The following RBPMS variants were observed in gnomAD, a reference collection of about 807,000 sequenced individuals.
RBPMS encodes RNA binding protein, mRNA processing factor, also known as RNA-binding protein with multiple splicing.
RBPMS carries 7 observed loss-of-function variants against 26.8 expected under a neutral mutation model. That is an observed-to-expected ratio of 0.26 (90% CI 0.15 to 0.49). The LOEUF is 0.49. RBPMS is among the 20% of genes least tolerant of loss of function. The pLI, the probability that RBPMS is intolerant of heterozygous loss-of-function variation, is 0.98. For synonymous variants in RBPMS, 96 were observed against 93.3 expected (o/e 1.03, Z -0.17); for missense variants, 186 against 250.0 (o/e 0.74, Z 1.73).
chr8:30,466,806 C>T (rs1816555482), intron 1 of RBPMS, among the ~76,000 whole-genome samples: 3 of 152,084 alleles, frequency 2.0e-5, no homozygotes. Flanking sequence ...GTTGGTCAGG[C>T]TGGTCTCCCA....
chr8:30,514,232 C>T (rs569910412), intron 5 of RBPMS, among the ~76,000 whole-genome samples: 1 of 152,234 alleles, frequency 6.6e-6, no homozygotes, highest in African/African-American at 2.4e-5. Flanking sequence ...AACCTCAGCT[C>T]TTCAGTGCAA....
chr8:30,486,352 AAAT>A (rs1818766757), intron 4 of RBPMS, among the ~76,000 whole-genome samples: 1 of 136,230 alleles, frequency 7.3e-6, no homozygotes, highest in African/African-American at 2.6e-5. Flanking sequence ...ATAAATAAAT[AAAT>A]AAATAACATA....
At chr8:30,477,635 G>GTGTGTGCACATGCACATGCA (rs1817840956) in intron 2 of RBPMS, among the ~76,000 whole-genome samples, 164 bp from the exon 3 acceptor site, 1 of 152,138 alleles carries the variant, frequency 6.6e-6, no homozygotes, top group Admixed American at 6.5e-5. Flanking sequence ...AGGTGTGTGT[G>GTGTGTGCACATGCACATGCA]TGTGTGTGCA....
intron 4 of RBPMS, among the ~76,000 whole-genome samples, chr8:30,485,087 C>T (rs147313551): frequency 1.6e-3 from 244 of 152,164 alleles, no homozygotes; most frequent in African/African-American, 5.6e-3. Context: ...TGGTACAGAC[C>T]GTTAAGTATG....
Position 30,490,490 on chromosome 8 carries a change from C to T in RBPMS, c.246+11113C>T, listed in dbSNP as rs186301413. ...GTCTTTTTTTTTTGAGACGGAGTCT[C>T]GCTCTGTCACCCAGGCTGGAGTGCA... On this transcript the variant is annotated intron_variant, in intron 4 of 8. Transcript: ENST00000397323. 8.0e-3 allele frequency among the ~76,000 whole-genome samples: 1,213 copies of T among 151,826 alleles called. 7 individuals are homozygous for T. Among genetic ancestry groups the T allele is most frequent in the Non-Finnish European group, 0.013 (861 of 67,950 alleles).
At chr8:30,557,206 C>T (rs987024790) in intron 6 of RBPMS, among the ~76,000 whole-genome samples, 3 of 152,204 alleles carry the variant, frequency 2.0e-5, no homozygotes, top group Non-Finnish European at 2.9e-5. Flanking sequence ...CAGGCAGAAG[C>T]TCCGGTATGT....
intron 8 of RBPMS, among the ~76,000 whole-genome samples, chr8:30,566,995 A>G (rs907548582): frequency 3.9e-5 from 6 of 152,200 alleles, no homozygotes; most frequent in Non-Finnish European, 5.9e-5. Context: ...AGCTACTAGC[A>G]GGAAATGTAG....
chr8:30,428,020 C>CTTTTTTTT (rs58756060), intron 1 of RBPMS, among the ~76,000 whole-genome samples: 3 of 103,938 alleles, frequency 2.9e-5, no homozygotes, highest in Non-Finnish European at 5.7e-5. Flanking sequence ...GAGACCCCAT[C>CTTTTTTTT]TTTTTTTTTT....
At chr8:30,430,636 A>T (rs937892339) in intron 1 of RBPMS, among the ~76,000 whole-genome samples, 2 of 152,132 alleles carry the variant, frequency 1.3e-5, no homozygotes, top group Non-Finnish European at 1.5e-5. Context: ...TAGCTATCTC[A>T]CTTATTTGTT....
intron 5 of RBPMS, among the ~76,000 whole-genome samples, chr8:30,528,478 ATTAGGTCTT>A (rs1823847648): frequency 6.6e-6 from 1 of 152,198 alleles, no homozygotes; most frequent in Non-Finnish European, 1.5e-5. Context: ...ATGGTGGGTC[ATTAGGTCTT>A]AACATAGTTC....
At chr8:30,503,418 AT>A (rs1368108580) in intron 4 of RBPMS, among the ~76,000 whole-genome samples, 210 of 144,884 alleles carry the variant, frequency 1.4e-3, no homozygotes, top group Admixed American at 5.2e-3. Flanking sequence ...CGCCCAGCTA[AT>A]TTTTTTTTTT....
rs561447864 is a variant in RBPMS, at chr8:30,456,497, A to T, written c.67-18282A>T. 4.2e-4 allele frequency among the ~76,000 whole-genome samples: 63 copies of T among 151,732 alleles called. 2 individuals carry two copies. The highest frequency in any genetic ancestry group is 1.2e-3 in the South Asian group (6 of 4,802). On this transcript the variant is annotated intron_variant, in intron 1 of 8. Transcript: ENST00000397323. ...GTGTGACATTAACCACACTAAAAAG[A>T]TTTTTTTTTAAAATCATGGTTATAT...
chr8:30,448,616 A>G (rs1303464380), intron 1 of RBPMS, among the ~76,000 whole-genome samples: 1 of 152,220 alleles, frequency 6.6e-6, no homozygotes, highest in Non-Finnish European at 1.5e-5. Flanking sequence ...GTATACAGAG[A>G]GCAGTGGGTA....
intron 1 of RBPMS, among the ~76,000 whole-genome samples, chr8:30,388,845 T>C (rs1807439878): frequency 6.6e-6 from 1 of 152,144 alleles, no homozygotes; most frequent in Non-Finnish European, 1.5e-5. Flanking sequence ...TTGAATTGAC[T>C]TGTACTTATA....
rs1348792558 is a variant in RBPMS, at chr8:30,474,765, ATTTAT to A, written c.67-10_67-6del. 1 of 1,576,280 alleles carries A rather than the reference ATTTAT, an allele frequency of 6.3e-7. No homozygotes were observed. The highest frequency in any genetic ancestry group is 1.3e-5 in the African/African-American group (1 of 74,088). ...GTCCACACCCTTGATCACTTCCTAA[ATTTAT>A]TTTTCCAGGTCCGGACCCTATTTGT... On this transcript the variant is annotated splice_polypyrimidine_tract_variant and intron_variant, in intron 1 of 8. Coordinates refer to ENST00000397323, the MANE Select transcript of RBPMS (RefSeq NM_001008710.3).
intron 4 of RBPMS, among the ~76,000 whole-genome samples, chr8:30,491,557 G>T (rs1055430561): frequency 1.3e-5 from 2 of 152,126 alleles, no homozygotes; most frequent in African/African-American, 4.8e-5. Context: ...GCCTATTGCG[G>T]TCTATGTCTG....
At chr8:30,475,128 G>C (rs1320620846) in intron 2 of RBPMS, among the ~76,000 whole-genome samples, 2 of 152,030 alleles carry the variant, frequency 1.3e-5, no homozygotes, top group Non-Finnish European at 1.5e-5. Flanking sequence ...CTGTTCTTTG[G>C]AAATGTAAAT....
intron 5 of RBPMS, 46 bp from the exon 6 acceptor site, chr8:30,544,448 T>C: frequency 6.3e-7 from 1 of 1,581,834 alleles, no homozygotes; most frequent in Non-Finnish European, 8.7e-7. Context: ...GATTTGAAAC[T>C]AGCTGTATGG....
intron 1 of RBPMS, among the ~76,000 whole-genome samples, chr8:30,393,776 G>GCCA (rs1472175780): frequency 1.3e-5 from 2 of 152,014 alleles, no homozygotes; most frequent in Admixed American, 6.6e-5. Flanking sequence ...GCCTCGGCCT[G>GCCA]CCAAAGTGCT....
Sources: gnomAD v4.1 joint callset for allele counts (sites outside exome capture counted in the v4.1 genomes callset) on GRCh38, gnomAD v4.1.1 for gene constraint, MANE v1.5 for transcripts, NCBI Gene and HGNC (gene_info 2026-07-23, HGNC 2026-07-21) for gene names.